The following TMEM132E variants were observed in gnomAD, a reference collection of about 807,000 sequenced individuals.
TMEM132E encodes transmembrane protein 132E.
A neutral mutation model predicts 78.5 loss-of-function variants in TMEM132E; 49 were observed. The observed-to-expected ratio is 0.62, with a 90% CI of 0.50 to 0.79. The LOEUF is 0.79. TMEM132E is among the 30% of genes least tolerant of loss of function. TMEM132E has a pLI of 0.00. For missense variants in TMEM132E, 1,403 were observed against 1,470.9 expected (o/e 0.95, Z 0.75); for synonymous variants, 715 against 670.6 (o/e 1.07, Z -1.02).
chr17:34,616,934 G>A (rs563470700), intron 1 of TMEM132E, among the ~76,000 whole-genome samples: 3 of 152,344 alleles, frequency 2.0e-5, no homozygotes, highest in East Asian at 3.9e-4. Flanking sequence ...CGGGCTTGGC[G>A]AGCAGAGCCG....
chr17:34,627,134 G>T, intron 2 of TMEM132E, 77 bp downstream of exon 2: 2 of 1,268,964 alleles, frequency 1.6e-6, no homozygotes, highest in Admixed American at 1.8e-5. Context: ...GGGTGGGTTG[G>T]GGGGTGGGGG....
At chr17:34,596,154 C>A (rs1906053468) in intron 1 of TMEM132E, among the ~76,000 whole-genome samples, 1 of 152,110 alleles carries the variant, frequency 6.6e-6, no homozygotes, top group Non-Finnish European at 1.5e-5. Flanking sequence ...TTTCCCCTGT[C>A]TGGGGTGTGG....
Position 34,630,148 on chromosome 17 carries a change from C to G in TMEM132E, c.1479C>G (p.Ile493Met), listed in dbSNP as rs754965509. The G allele has an allele frequency of 6.2e-7, 1 of 1,610,030 alleles. No homozygotes were observed. Among genetic ancestry groups the G allele is most frequent in the South Asian group, 1.1e-5 (1 of 90,942 alleles). ...VECESDNEDIIKVSSSCDYVF... is the reference protein window; with the variant it reads ...VECESDNEDIMKVSSSCDYVF... Reference sequence around the variant, plus strand: ...GCGAGTCTGACAATGAAGACATCATCAAGGTGGGCATCCTGGAGGTGGGGC... The same window carrying G: ...GCGAGTCTGACAATGAAGACATCATGAAGGTGGGCATCCTGGAGGTGGGGC... Residue 493 changes from isoleucine to methionine, a missense_variant, in exon 5 of 9, where the codon ATC becomes ATG. Transcript: ENST00000631683.
At chr17:34,588,771 T>C (rs1286696629) in intron 1 of TMEM132E, among the ~76,000 whole-genome samples, 2 of 152,192 alleles carry the variant, frequency 1.3e-5, no homozygotes, top group African/African-American at 4.8e-5. Flanking sequence ...AGACGGAGTC[T>C]CACTCTGTCA....
At chr17:34,595,590 A>G (rs973726789) in intron 1 of TMEM132E, among the ~76,000 whole-genome samples, 7 of 152,314 alleles carry the variant, frequency 4.6e-5, no homozygotes, top group African/African-American at 1.7e-4. Context: ...ACATGGGACA[A>G]GGGCTGGCAG....
chr17:34,628,002 T>C (rs1318846119), intron 2 of TMEM132E, among the ~76,000 whole-genome samples: 2 of 152,236 alleles, frequency 1.3e-5, no homozygotes. Flanking sequence ...TCGTATTTAG[T>C]ATGGGATACT....
intron 1 of TMEM132E, among the ~76,000 whole-genome samples, chr17:34,592,585 G>A (rs1360126633): frequency 6.6e-6 from 1 of 152,166 alleles, no homozygotes; most frequent in South Asian, 2.1e-4. Flanking sequence ...TAGCAGGATG[G>A]CCAGGTAACC....
intron 1 of TMEM132E, 84 bp from the exon 2 acceptor site, chr17:34,626,036 TGGGGTGG>T: frequency 8.2e-7 from 1 of 1,221,652 alleles, no homozygotes; most frequent in Non-Finnish European, 1.1e-6. Flanking sequence ...CAGCCCTCTG[TGGGGTGG>T]GAGAGACGAG....
chr17:34,622,001 C>G (rs981518497), intron 1 of TMEM132E, among the ~76,000 whole-genome samples: 1 of 152,238 alleles, frequency 6.6e-6, no homozygotes, highest in African/African-American at 2.4e-5. Context: ...CACCCCACAT[C>G]TGTCTTCCTT....
chr17:34,629,917 G>GC (rs1368354738), intron 4 of TMEM132E, 91 bp from the exon 5 acceptor site: 3 of 1,411,002 alleles, frequency 2.1e-6, no homozygotes, highest in Admixed American at 2.3e-5. Flanking sequence ...TGAGGAGTGG[G>GC]GGGGGAGCGT....
At chr17:34,610,113 A>G (rs945558825) in intron 1 of TMEM132E, among the ~76,000 whole-genome samples, 1 of 151,980 alleles carries the variant, frequency 6.6e-6, no homozygotes, top group Non-Finnish European at 1.5e-5. Flanking sequence ...TTTTGTGGGC[A>G]TCTGGCTCTC....
At chr17:34,585,607 A>G (rs892502913) in intron 1 of TMEM132E, among the ~76,000 whole-genome samples, 2 of 151,482 alleles carry the variant, frequency 1.3e-5, no homozygotes, top group South Asian at 4.3e-4. Flanking sequence ...CAGAACAAGC[A>G]CCAGAGCCCA....
intron 1 of TMEM132E, among the ~76,000 whole-genome samples, chr17:34,589,119 G>A (rs981804452): frequency 2.0e-5 from 3 of 152,198 alleles, no homozygotes; most frequent in South Asian, 2.1e-4. Flanking sequence ...GGAGGGATGC[G>A]TAGCATTAAT....
Position 34,636,045 on chromosome 17 carries a change from G to C in TMEM132E, c.2016G>C (p.Thr672=). ...SPLTEAVLGE[T]LLTVTEEKVS... ...TGACGGAGGCTGTGCTCGGGGAGAC[G>C]CTGCTGACGGTGACTGAGGAGAAGG... is the stretch of plus-strand genomic sequence containing the variant. The change falls in exon 8 of 9, where the codon ACG becomes ACC. Residue 672 remains threonine, a synonymous_variant. Transcript: ENST00000631683. The C allele has an allele frequency of 6.4e-7, 1 of 1,555,000 alleles. No homozygotes were observed. The highest frequency in any genetic ancestry group is 2.5e-5 in the East Asian group (1 of 39,712).
intron 8 of TMEM132E, 44 bp downstream of exon 8, chr17:34,636,242 G>A (rs1907519001): frequency 1.4e-6 from 2 of 1,406,914 alleles, no homozygotes; most frequent in Non-Finnish European, 9.3e-7. Flanking sequence ...TGGTGGTATG[G>A]AAGGAGAACT....
chr17:34,586,281 T>TTG (rs60429243), intron 1 of TMEM132E, among the ~76,000 whole-genome samples: 46,779 of 150,478 alleles, frequency 0.31, 9,041 homozygotes, highest in African/African-American at 0.56. Context: ...AATGAACCAG[T>TTG]TGTGTGTGTG....
chr17:34,581,090 T>G lies in TMEM132E; in HGVS notation c.14T>G (p.Met5Arg). The G allele has an allele frequency of 6.4e-7, 1 of 1,551,024 alleles. No individual in the cohort carries two copies. The highest frequency in any genetic ancestry group is 2.5e-5 in the East Asian group (1 of 40,400). Residue 5 changes from methionine to arginine, a missense_variant, in exon 1 of 9, where the codon ATG becomes AGG. Met to Arg is a moderately conservative substitution (Grantham distance 91). Coordinates refer to ENST00000631683, the MANE Select transcript of TMEM132E (RefSeq NM_001304438.2). MAPG[M>R]SGRGGAALLC... ...CCCGCCTCGGCCATGGCCCCGGGGA[T>G]GTCGGGCCGCGGCGGCGCCGCCCTG...
At chr17:34,610,894 T>C (rs736301) in intron 1 of TMEM132E, among the ~76,000 whole-genome samples, 90,069 of 152,062 alleles carry the variant, frequency 0.59, 27,518 homozygotes, top group Admixed American at 0.72. Flanking sequence ...ATACCAAATA[T>C]GGATGTTCTC....
intron 5 of TMEM132E, among the ~76,000 whole-genome samples, chr17:34,631,047 A>T (rs1250047998): frequency 6.6e-6 from 1 of 152,236 alleles, no homozygotes; most frequent in Non-Finnish European, 1.5e-5. Flanking sequence ...TCCAGTAGGC[A>T]TCAAAATCAG....
Sources: gnomAD v4.1 joint callset for allele counts (sites outside exome capture counted in the v4.1 genomes callset) on GRCh38, gnomAD v4.1.1 for gene constraint, MANE v1.5 for transcripts, NCBI Gene and HGNC (gene_info 2026-07-23, HGNC 2026-07-21) for gene names.